The following ATXN7L1 variants were observed in gnomAD, a reference collection of about 807,000 sequenced individuals.
ATXN7L1 encodes ataxin 7 like 1.
Under a neutral mutation model 70.8 loss-of-function variants are expected in ATXN7L1, and 15 were observed. The observed-to-expected ratio is 0.21, with a 90% CI of 0.14 to 0.33. ATXN7L1 has a LOEUF of 0.33. Ranked by LOEUF, ATXN7L1 falls within the 10% of genes least tolerant of loss-of-function variation. The probability of loss-of-function intolerance (pLI) is 1.00; values close to 1 mark genes in which losing one functional copy is unlikely to be tolerated. For missense variants in ATXN7L1, 975 were observed against 1,097.1 expected, an observed-to-expected ratio of 0.89 and a Z score of 1.57; for synonymous variants, 440 against 445.1, an observed-to-expected ratio of 0.99 and a Z score of 0.14.
chr7:105,634,753 GA>G (rs773290750), intron 7 of ATXN7L1, among the ~76,000 whole-genome samples: 7 of 152,110 alleles, frequency 4.6e-5, no homozygotes, highest in African/African-American at 7.2e-5. Context: ...AACAGATGTA[GA>G]AACAGCACAG....
intron 2 of ATXN7L1, among the ~76,000 whole-genome samples, chr7:105,825,106 C>T (rs1046343892): frequency 3.3e-5 from 5 of 152,160 alleles, no homozygotes; most frequent in African/African-American, 1.2e-4. Context: ...ACGAAAATGT[C>T]TTTAAAATCC....
chr7:105,821,663 G>A (rs1007010115), intron 2 of ATXN7L1, among the ~76,000 whole-genome samples: 1 of 152,242 alleles, frequency 6.6e-6, no homozygotes, highest in African/African-American at 2.4e-5. Flanking sequence ...TTTGATTGTG[G>A]CTCCGCCATG....
chr7:105,692,400 T>TCCTC (rs1791028207), intron 3 of ATXN7L1, among the ~76,000 whole-genome samples: 1 of 122,326 alleles, frequency 8.2e-6, no homozygotes, highest in Non-Finnish European at 1.7e-5. Flanking sequence ...CTTCCTTCCT[T>TCCTC]CCTTCCTTCC....
intron 2 of ATXN7L1, among the ~76,000 whole-genome samples, chr7:105,809,431 C>T (rs1174687857): frequency 6.6e-6 from 1 of 152,178 alleles, no homozygotes; most frequent in Non-Finnish European, 1.5e-5. Flanking sequence ...TTCCTCCTTC[C>T]TCCGGCCCCT....
intron 4 of ATXN7L1, among the ~76,000 whole-genome samples, chr7:105,646,910 C>A (rs1799129891): frequency 6.6e-6 from 1 of 151,912 alleles, no homozygotes; most frequent in Non-Finnish European, 1.5e-5. Context: ...TGCCACTGTA[C>A]TCCAGCTTGG....
intron 9 of ATXN7L1, among the ~76,000 whole-genome samples, chr7:105,615,164 C>T (rs1402456676): frequency 6.6e-6 from 1 of 152,068 alleles, no homozygotes; most frequent in South Asian, 2.1e-4. Context: ...GCCCCCACCC[C>T]CCAACTCTCT....
intron 3 of ATXN7L1, among the ~76,000 whole-genome samples, chr7:105,758,292 C>G (rs924459938): frequency 6.6e-6 from 1 of 152,208 alleles, no homozygotes; most frequent in Non-Finnish European, 1.5e-5. Context: ...TGGGCTCAAT[C>G]TAAGTATGTT....
In ATXN7L1 at chr7:105,842,196, GTT is replaced by G. The variant is rs11345494; in HGVS notation, c.250+33614_250+33615del. Among the ~76,000 whole-genome samples the G allele has an allele frequency of 1.4e-3, 208 of 148,620 alleles. 2 individuals are homozygous for G. Among genetic ancestry groups the G allele is most frequent in the Middle Eastern group, 6.9e-3 (2 of 290 alleles). ...CAGCAATAACCATTAAAGTAGAAGG[GTT>G]TTTTTTTTTTGAAAATTTTTATTGA... On this transcript the variant is annotated intron_variant, in intron 2 of 11. Transcript: ENST00000419735.
Position 105,786,310 on chromosome 7 carries a change from T to A in ATXN7L1, c.355+2294A>T, listed in dbSNP as rs1204368. On this transcript the variant is annotated intron_variant, in intron 3 of 11. Coordinates refer to ENST00000419735, the MANE Select transcript of ATXN7L1 (RefSeq NM_020725.2). ...TGTCCCCTAAGCTGACTCTTGGCTC[T>A]TATGCCAAGAGCCCCAGGGTTGGGG... Among the ~76,000 whole-genome samples, 156 of 152,314 alleles carry A rather than the reference T, an allele frequency of 1.0e-3. 2 individuals carry two copies. Among genetic ancestry groups the A allele is most frequent in the Non-Finnish European group, 2.1e-4 (14 of 68,016 alleles).
intron 2 of ATXN7L1, among the ~76,000 whole-genome samples, chr7:105,810,487 G>A (rs1458978726): frequency 6.6e-6 from 1 of 152,270 alleles, no homozygotes; most frequent in African/African-American, 2.4e-5. Flanking sequence ...CTGGTGCTGG[G>A]AAGGCTGGCT....
rs1294264672 is a variant in ATXN7L1 at position 105,810,739 on chromosome 7, G to A, written c.251-22031C>T. Among the ~76,000 whole-genome samples, 3 of 152,258 alleles carry A rather than the reference G, an allele frequency of 2.0e-5. No homozygotes were observed. The East Asian group carries it at 5.8e-4, about 29-fold the overall frequency. On this transcript the variant is annotated intron_variant, in intron 2 of 11. Coordinates refer to ENST00000419735, the MANE Select transcript of ATXN7L1 (RefSeq NM_020725.2). ...GCACTGAAGCCGGGGATGGCATGGG[G>A]GCGGCGGAAAGGCTGTGCCAGTGAC...
chr7:105,760,180 T>C (rs1430054834), intron 3 of ATXN7L1: 5 of 982,730 alleles, frequency 5.1e-6, no homozygotes, highest in Non-Finnish European at 6.0e-6. Flanking sequence ...TGTCCATCTA[T>C]CCAACCATCC....
intron 4 of ATXN7L1, among the ~76,000 whole-genome samples, chr7:105,654,381 C>G (rs1800299010): frequency 1.3e-5 from 2 of 152,398 alleles, no homozygotes; most frequent in Non-Finnish European, 2.9e-5. Flanking sequence ...TGTTTAATCT[C>G]TATCCCCAAT....
At chr7:105,766,663 A>G (rs1472336073) in intron 3 of ATXN7L1, among the ~76,000 whole-genome samples, 1 of 152,170 alleles carries the variant, frequency 6.6e-6, no homozygotes, top group Non-Finnish European at 1.5e-5. Context: ...CACCCTCGAG[A>G]AGTGACGGCT....
chr7:105,676,845 A>C (rs1414041233), intron 3 of ATXN7L1, among the ~76,000 whole-genome samples: 1 of 152,150 alleles, frequency 6.6e-6, no homozygotes, highest in Non-Finnish European at 1.5e-5. Flanking sequence ...GTCTCAAAAA[A>C]ACAAAACAAA....
chr7:105,721,749 C>T (rs992002463), intron 3 of ATXN7L1, among the ~76,000 whole-genome samples: 2 of 152,232 alleles, frequency 1.3e-5, no homozygotes, highest in African/African-American at 2.4e-5. Flanking sequence ...CCTGGCTGCT[C>T]TGCCCAGGGA....
At chr7:105,630,415 T>C (rs1796413430) in intron 7 of ATXN7L1, among the ~76,000 whole-genome samples, 1 of 152,198 alleles carries the variant, frequency 6.6e-6, no homozygotes, top group Admixed American at 6.5e-5. Context: ...AATCTCTCAT[T>C]TTGCTTGCTA....
At chr7:105,762,790 T>C (rs1378336486) in intron 3 of ATXN7L1, among the ~76,000 whole-genome samples, 1 of 152,210 alleles carries the variant, frequency 6.6e-6, no homozygotes, top group Non-Finnish European at 1.5e-5. Context: ...ATAGAGTGGA[T>C]GTGACAGCGT....
At position 105,620,186 on chromosome 7, in the gene ATXN7L1, A is replaced by G. The variant is rs1193655176; in HGVS notation, c.1517+14T>C. 1 of 1,550,804 alleles carries G rather than the reference A, an allele frequency of 6.4e-7. No homozygotes were observed. The highest frequency in any genetic ancestry group is 8.7e-7 in the Non-Finnish European group (1 of 1,146,512). ...CAGCTTGGATCTTATATTGCACAAA[A>G]GCTGCTCACTTACTTCCACATCTGT... is the stretch of plus-strand genomic sequence containing the variant. On this transcript the variant is annotated intron_variant, in intron 9 of 11. Transcript: ENST00000419735.
Sources: allele counts gnomAD v4.1 joint callset (sites outside exome capture counted in the v4.1 genomes callset), GRCh38; gene constraint gnomAD v4.1.1; transcripts MANE v1.5; gene names NCBI Gene and HGNC (gene_info 2026-07-23, HGNC 2026-07-21).